GALNT13: variants seen among roughly 807,000 people sequenced by gnomAD.
GALNT13 encodes polypeptide N-acetylgalactosaminyltransferase 13.
In GALNT13, 28 loss-of-function variants were observed where a neutral mutation model predicts 64.2. That is an observed-to-expected ratio of 0.44 (90% CI 0.32 to 0.60). GALNT13 has a LOEUF of 0.60. GALNT13 is among the 20% of genes least tolerant of loss of function. The pLI is 0.05. For missense variants in GALNT13, 577 were observed against 669.8 expected (o/e 0.86, Z 1.53); for synonymous variants, 214 against 224.6 (o/e 0.95, Z 0.42).
the GALNT13 span, among the ~76,000 whole-genome samples, chr2:153,194,814 A>G: frequency 6.7e-6 from 1 of 149,520 alleles, no homozygotes; most frequent in East Asian, 2.0e-4. Flanking sequence ...ACACAGTAGT[A>G]TACTCTCTGT....
the GALNT13 span, among the ~76,000 whole-genome samples, chr2:153,435,169 G>A: frequency 1.3e-5 from 2 of 152,192 alleles, no homozygotes; most frequent in Non-Finnish European, 2.9e-5. Flanking sequence ...TGAGGGCTCT[G>A]TTCTGTTACA....
chr2:153,581,315 T>A, the GALNT13 span, among the ~76,000 whole-genome samples: 1 of 152,152 alleles, frequency 6.6e-6, no homozygotes, highest in Non-Finnish European at 1.5e-5. Flanking sequence ...ACACAGCTGC[T>A]TCTAGTGTGT....
chr2:153,495,416 C>T, the GALNT13 span, among the ~76,000 whole-genome samples: 1 of 152,234 alleles, frequency 6.6e-6, no homozygotes, highest in African/African-American at 2.4e-5. Flanking sequence ...CATTTGTCCA[C>T]AGAAAAATGT....
chr2:153,824,759 C>G, the GALNT13 span, among the ~76,000 whole-genome samples: 2 of 152,090 alleles, frequency 1.3e-5, no homozygotes, highest in East Asian at 3.9e-4. Flanking sequence ...GCAGATTTCC[C>G]CCCTTTAATG....
chr2:153,289,624 T>C, the GALNT13 span, among the ~76,000 whole-genome samples: 7 of 152,200 alleles, frequency 4.6e-5, no homozygotes, highest in African/African-American at 1.7e-4. Flanking sequence ...CTTGTTAACT[T>C]TTTGATTTAT....
chr2:153,155,439 G>A, the GALNT13 span, among the ~76,000 whole-genome samples: 1 of 152,034 alleles, frequency 6.6e-6, no homozygotes, highest in Admixed American at 6.6e-5. Flanking sequence ...TTTCTTCCTG[G>A]TTCTTCCTTG....
chr2:153,147,476 G>A, the GALNT13 span, among the ~76,000 whole-genome samples: 1 of 151,478 alleles, frequency 6.6e-6, no homozygotes, highest in Non-Finnish European at 1.5e-5. Context: ...TAGTGAGGAG[G>A]AGTATCGACA....
At chr2:154,229,126 C>CA (rs1040114546) in intron 4 of GALNT13, among the ~76,000 whole-genome samples, 167 of 148,866 alleles carry the variant, frequency 1.1e-3, no homozygotes, top group African/African-American at 3.5e-3. Flanking sequence ...CATTCTTGAC[C>CA]AAAAAAAAGA....
intron 4 of GALNT13, among the ~76,000 whole-genome samples, chr2:154,221,273 A>AT (rs144653000): frequency 0.019 from 2,954 of 152,084 alleles, 83 homozygotes; most frequent in African/African-American, 0.06. Flanking sequence ...AGAAATAGTA[A>AT]TGTTTATTTT....
the GALNT13 span, among the ~76,000 whole-genome samples, chr2:153,582,477 T>G: frequency 6.6e-6 from 1 of 152,122 alleles, no homozygotes; most frequent in South Asian, 2.1e-4. Context: ...ATACAGCAAT[T>G]CAGTGATTTC....
intron 8 of GALNT13, among the ~76,000 whole-genome samples, chr2:154,300,387 G>T (rs1693372369): frequency 6.6e-6 from 1 of 151,940 alleles, no homozygotes; most frequent in East Asian, 1.9e-4. Context: ...ACAAGTGTGA[G>T]CCACCGCACC....
In GALNT13 at chr2:154,053,588, GACTA is replaced by G. The variant is rs777656459; in HGVS notation, c.143-86743_143-86740del. Reference sequence around the variant, plus strand: ...ATTTGCTTTTTATTGAAAAACAAAAGACTAACTAAACAATAGTGCCTTAAGCTCC... The same window carrying G: ...ATTTGCTTTTTATTGAAAAACAAAAGACTAAACAATAGTGCCTTAAGCTCC... On this transcript the variant is annotated intron_variant, in intron 3 of 12. Coordinates refer to ENST00000392825, the MANE Select transcript of GALNT13 (RefSeq NM_052917.4). 1.4e-4 allele frequency among the ~76,000 whole-genome samples: 21 copies of G among 151,998 alleles called. No homozygotes were observed. In the East Asian group the frequency reaches 1.9e-3, roughly 14 times the overall value.
chr2:154,354,144 A>G (rs375839811), intron 9 of GALNT13, among the ~76,000 whole-genome samples: 1 of 152,150 alleles, frequency 6.6e-6, no homozygotes, highest in Non-Finnish European at 1.5e-5. Context: ...TTTCATTTGC[A>G]TATCCCTGAT....
chr2:154,069,163 T>A (rs182159988), intron 3 of GALNT13, among the ~76,000 whole-genome samples: 2 of 152,098 alleles, frequency 1.3e-5, no homozygotes, highest in Admixed American at 6.6e-5. Context: ...AAAATAAATA[T>A]TATTTAGACA....
the GALNT13 span, among the ~76,000 whole-genome samples, chr2:153,561,134 C>A: frequency 6.6e-6 from 1 of 151,464 alleles, no homozygotes; most frequent in African/African-American, 2.4e-5. Context: ...ATATTTCTAG[C>A]CAGTTTACTA....
chr2:153,927,222 G>A (rs1351250506), intron 2 of GALNT13, among the ~76,000 whole-genome samples: 1 of 151,858 alleles, frequency 6.6e-6, no homozygotes, highest in African/African-American at 2.4e-5. Flanking sequence ...AAGAAAGAAA[G>A]GACCCGTTTA....
the GALNT13 span, among the ~76,000 whole-genome samples, chr2:153,643,405 A>C: frequency 6.6e-6 from 1 of 151,494 alleles, no homozygotes. Flanking sequence ...TACATGGAAA[A>C]ATTTCTGAAA....
At chr2:153,588,006 G>A in the GALNT13 span, among the ~76,000 whole-genome samples, 7 of 152,212 alleles carry the variant, frequency 4.6e-5, no homozygotes, top group South Asian at 2.1e-4. Flanking sequence ...ATCCAGTGGG[G>A]CAGTCAAATC....
chr2:153,363,291 G>A, the GALNT13 span, among the ~76,000 whole-genome samples: 16 of 151,896 alleles, frequency 1.1e-4, no homozygotes, highest in African/African-American at 3.1e-4. Flanking sequence ...TAGAAATATC[G>A]CAAATTGACA....
Sources: allele counts gnomAD v4.1 joint callset (sites outside exome capture counted in the v4.1 genomes callset), GRCh38; gene constraint gnomAD v4.1.1; transcripts MANE v1.5; gene names NCBI Gene and HGNC (gene_info 2026-07-23, HGNC 2026-07-21).